GNG2: variants seen among roughly 807,000 people sequenced by gnomAD.
GNG2 encodes the protein guanine nucleotide-binding protein G(I)/G(S)/G(O) subunit gamma-2.
A neutral mutation model predicts 5.5 loss-of-function variants in GNG2; 5 were observed. The ratio of observed to expected loss-of-function variants is 0.91; its 90% CI spans 0.48 to 1.92. The LOEUF (loss-of-function observed/expected upper bound fraction) is 1.92. GNG2 is among the 30% of genes most tolerant of loss of function. GNG2 has a pLI of 0.01. For synonymous variants in GNG2, 28 were observed against 32.0 expected, an observed-to-expected ratio of 0.88 and a Z score of 0.42; for missense variants, 55 against 88.4, an observed-to-expected ratio of 0.62 and a Z score of 1.52.
intron 2 of GNG2, among the ~76,000 whole-genome samples, chr14:51,946,786 T>C (rs553599150): frequency 6.6e-6 from 1 of 152,256 alleles, no homozygotes; most frequent in South Asian, 2.1e-4. Flanking sequence ...CAGTATCCAT[T>C]TTACATGAAT....
chr14:51,914,434 G>A (rs953498855), intron 2 of GNG2, among the ~76,000 whole-genome samples: 1 of 152,094 alleles, frequency 6.6e-6, no homozygotes, highest in South Asian at 2.1e-4. Context: ...GGTGCGGGAG[G>A]GATTAGAATG....
chr14:51,950,971 C>A (rs78268107), intron 3 of GNG2, among the ~76,000 whole-genome samples: 4,979 of 152,162 alleles, frequency 0.033, 191 homozygotes, highest in East Asian at 0.14. Context: ...AGAATTAAAA[C>A]CTAACAACAC....
At chr14:51,865,484 C>G (rs1882815322) in intron 1 of GNG2, among the ~76,000 whole-genome samples, 2 of 152,054 alleles carry the variant, frequency 1.3e-5, no homozygotes, top group Admixed American at 1.3e-4. Context: ...GACTTAGTCC[C>G]TGGCCTAGGA....
In GNG2 at chr14:51,966,934, G is replaced by A. The variant is rs1423675970; in HGVS notation, c.*247G>A. 4 of 219,382 alleles carry A rather than the reference G, an allele frequency of 1.8e-5. No homozygotes were observed. 13.6% of individuals were successfully genotyped at this position (219,382 alleles called of 1,614,324 possible). ...GAGGGGAATATATAAAAATAAAATTGGTGTCACTTCTTTTCTGCTATCCCC... is the reference window on the plus strand; with the variant it reads ...GAGGGGAATATATAAAAATAAAATTAGTGTCACTTCTTTTCTGCTATCCCC... On this transcript the variant is annotated 3_prime_UTR_variant, in exon 4 of 4. Coordinates refer to ENST00000556766, the MANE Select transcript of GNG2 (RefSeq NM_053064.5).
At chr14:51,888,656 A>G (rs868375998) in intron 2 of GNG2, among the ~76,000 whole-genome samples, 2 of 152,334 alleles carry the variant, frequency 1.3e-5, no homozygotes, top group African/African-American at 2.4e-5. Context: ...ATGTTACCAC[A>G]GCTGACGTCT....
upstream of GNG2, among the ~76,000 whole-genome samples, chr14:51,856,164 C>CA (rs1882149071): frequency 6.6e-6 from 1 of 151,772 alleles, no homozygotes; most frequent in African/African-American, 2.4e-5. Context: ...GGTAACAGAG[C>CA]AAGACAGTCT....
At chr14:51,831,939 A>T (rs1454028476) in intron 2 of GNG2, among the ~76,000 whole-genome samples, 1 of 152,204 alleles carries the variant, frequency 6.6e-6, no homozygotes. Context: ...GAGAATTCCT[A>T]TACAAATACA....
At chr14:51,910,028 C>T (rs1490681215) in intron 2 of GNG2, among the ~76,000 whole-genome samples, 1 of 152,146 alleles carries the variant, frequency 6.6e-6, no homozygotes, top group African/African-American at 2.4e-5. Context: ...ATATTTAGTA[C>T]CCAGCGTGGG....
chr14:51,910,381 G>A (rs1886221510), intron 2 of GNG2, among the ~76,000 whole-genome samples: 1 of 152,196 alleles, frequency 6.6e-6, no homozygotes, highest in Admixed American at 6.5e-5. Context: ...AAGAAATGAG[G>A]CTGAAGAAGG....
At position 51,967,554 on chromosome 14, in the gene GNG2, G is replaced by A. The variant is rs138403808; in HGVS notation, c.*867G>A. ...GAGGGAAAAGACCCCGGAGAGGGAA[G>A]AAAATCTCAGTATTTTGAAAATTGA... On this transcript the variant is annotated 3_prime_UTR_variant, in exon 4 of 4. Coordinates refer to ENST00000556766, the MANE Select transcript of GNG2 (RefSeq NM_053064.5). 5 of 152,246 alleles carry A rather than the reference G, an allele frequency of 3.3e-5. No homozygotes were observed. The East Asian group carries it at 9.6e-4, about 29-fold the overall frequency. 9.4% of individuals were successfully genotyped at this position (152,246 alleles called of 1,614,324 possible).
At chr14:51,873,444 C>T (rs975199175) in intron 1 of GNG2, among the ~76,000 whole-genome samples, 1 of 152,178 alleles carries the variant, frequency 6.6e-6, no homozygotes, top group African/African-American at 2.4e-5. Context: ...CTTCAATTTG[C>T]CTACTGCAGG....
intron 3 of GNG2, among the ~76,000 whole-genome samples, chr14:51,960,350 TC>T (rs1889527516): frequency 1.3e-5 from 2 of 152,196 alleles, no homozygotes; most frequent in East Asian, 3.8e-4. Flanking sequence ...TTTTATATCT[TC>T]CATATGTCTT....
chr14:51,928,504 C>T (rs976273775), intron 2 of GNG2, among the ~76,000 whole-genome samples: 1 of 152,182 alleles, frequency 6.6e-6, no homozygotes, highest in African/African-American at 2.4e-5. Context: ...TGTTGCCAGC[C>T]TCTTCTCTCA....
chr14:51,910,981 C>T (rs1017882505), intron 2 of GNG2, among the ~76,000 whole-genome samples: 2 of 152,236 alleles, frequency 1.3e-5, no homozygotes, highest in Non-Finnish European at 2.9e-5. Context: ...AGTTTTTGAA[C>T]TTCCAAAATG....
chr14:51,893,056 G>T (rs1884965579), intron 2 of GNG2, among the ~76,000 whole-genome samples: 1 of 152,102 alleles, frequency 6.6e-6, no homozygotes, highest in African/African-American at 2.4e-5. Flanking sequence ...TATTAGTTTT[G>T]TCTTCCTTGG....
intron 1 of GNG2, among the ~76,000 whole-genome samples, chr14:51,862,185 T>C (rs899352161): frequency 1.3e-5 from 2 of 152,178 alleles, no homozygotes; most frequent in African/African-American, 4.8e-5. Flanking sequence ...GGGAAGCTTT[T>C]ATAGCTACTA....
At chr14:51,886,072 T>C (rs2140150307) in intron 2 of GNG2, among the ~76,000 whole-genome samples, 1 of 152,342 alleles carries the variant, frequency 6.6e-6, no homozygotes, top group East Asian at 1.9e-4. Flanking sequence ...AGCATCTCTT[T>C]CTTTATATTT....
At chr14:51,939,775 A>C (rs979399800) in intron 2 of GNG2, 2 of 152,066 alleles carry the variant, frequency 1.3e-5, no homozygotes, top group African/African-American at 2.4e-5. Flanking sequence ...TCCCTGTGCC[A>C]TACAGGTCAT....
chr14:51,914,428 C>T lies in GNG2; in HGVS notation c.-29-36222C>T, dbSNP rs546156356. Among the ~76,000 whole-genome samples, 12 of 152,206 alleles carry T rather than the reference C, an allele frequency of 7.9e-5. No individual in the cohort carries two copies. The South Asian group carries it at 1.5e-3, about 18-fold the overall frequency. ...TCCTTGTGCTAAGGTTCCCAAGGTG[C>T]GGGAGGGATTAGAATGAATGCTGTT... On this transcript the variant is annotated intron_variant, in intron 2 of 3. Coordinates refer to ENST00000556766, the MANE Select transcript of GNG2 (RefSeq NM_053064.5).
Sources: allele counts gnomAD v4.1 joint callset (sites outside exome capture counted in the v4.1 genomes callset), GRCh38; gene constraint gnomAD v4.1.1; transcripts MANE v1.5; gene names NCBI Gene and HGNC (gene_info 2026-07-23, HGNC 2026-07-21).